Variants in TXNDC16 observed in about 807,000 individuals in gnomAD.
The protein encoded by TXNDC16 is thioredoxin domain-containing protein 16.
TXNDC16 carries 74 observed loss-of-function variants against 85.6 expected under a neutral mutation model. The observed-to-expected ratio is 0.86, with a 90% CI of 0.72 to 1.05. TXNDC16 has a LOEUF of 1.05. Among genes scored for constraint, TXNDC16 ranks in the 50% least tolerant of loss-of-function variants. The probability of loss-of-function intolerance (pLI) is 0.00; values close to 1 mark genes in which losing one functional copy is unlikely to be tolerated. For synonymous variants in TXNDC16, 335 were observed against 326.5 expected (o/e 1.03, Z -0.28); for missense variants, 959 against 947.0 (o/e 1.01, Z -0.17).
chr14:52,435,635 A>C (rs1455878096), intron 20 of TXNDC16, among the ~76,000 whole-genome samples: 1 of 152,094 alleles, frequency 6.6e-6, no homozygotes, highest in African/African-American at 2.4e-5. Flanking sequence ...ATATCATCTA[A>C]AGGAACCCAG....
intron 18 of TXNDC16, among the ~76,000 whole-genome samples, chr14:52,450,767 C>T (rs546836584): frequency 3.9e-4 from 59 of 151,780 alleles, no homozygotes; most frequent in Non-Finnish European, 7.2e-4. Flanking sequence ...GGTGCACACA[C>T]GTTTATAGTA....
intron 1 of TXNDC16, among the ~76,000 whole-genome samples, chr14:52,552,074 C>A (rs1031631275): frequency 9.9e-5 from 15 of 152,214 alleles, no homozygotes; most frequent in Admixed American, 8.5e-4. Context: ...CTCCCCGTCG[C>A]CCCTTTCCAT....
chr14:52,437,079 A>G (rs1249539730), intron 20 of TXNDC16, among the ~76,000 whole-genome samples: 2 of 152,128 alleles, frequency 1.3e-5, no homozygotes, highest in Admixed American at 1.3e-4. Context: ...CTATGTATAA[A>G]TGGTTAAGAC....
intron 18 of TXNDC16, among the ~76,000 whole-genome samples, chr14:52,450,722 G>A (rs1206223196): frequency 6.6e-6 from 1 of 151,900 alleles, no homozygotes. Context: ...AGAACTAAAA[G>A]TGTATCTACC....
intron 8 of TXNDC16, among the ~76,000 whole-genome samples, chr14:52,512,967 T>C (rs143113831): frequency 1.1e-3 from 169 of 152,228 alleles, no homozygotes; most frequent in Middle Eastern, 3.4e-3. Flanking sequence ...TCTCTCTCAC[T>C]TGCTCAAGTA....
chr14:52,492,493 ACT>A (rs1186660904), intron 9 of TXNDC16, among the ~76,000 whole-genome samples: 1 of 152,040 alleles, frequency 6.6e-6, no homozygotes, highest in Non-Finnish European at 1.5e-5. Context: ...CCCAGACAAG[ACT>A]CAACCACACT....
chr14:52,464,952 A>G (rs1452639787), intron 16 of TXNDC16, among the ~76,000 whole-genome samples: 1 of 152,194 alleles, frequency 6.6e-6, no homozygotes, highest in South Asian at 2.1e-4. Flanking sequence ...CAAAAAAAAT[A>G]AAAAATATAA....
chr14:52,541,100 G>A (rs745430370), intron 4 of TXNDC16, among the ~76,000 whole-genome samples: 13 of 152,204 alleles, frequency 8.5e-5, no homozygotes, highest in African/African-American at 1.2e-4. Flanking sequence ...GCCAGACATC[G>A]TGGCACATGC....
rs770804988 is a variant in TXNDC16, at chr14:52,519,258, T to C, written c.428A>G (p.Asn143Ser). ...LLFSEVKYIT[N>S]LEDLQNIENA... Reference sequence around the variant, plus strand: ...TTCTATGTTCTGAAGGTCTTCCAGGTTGGTAATATATTTCACTTCACTAAA... The same window carrying C: ...TTCTATGTTCTGAAGGTCTTCCAGGCTGGTAATATATTTCACTTCACTAAA... Residue 143 changes from asparagine to serine, a missense_variant, in exon 7 of 21, where the codon AAC becomes AGC. Physicochemically the swap from Asn to Ser is conservative, Grantham distance 46 (BLOSUM62 1). Coordinates refer to ENST00000281741, the MANE Select transcript of TXNDC16 (RefSeq NM_020784.3). The C allele has an allele frequency of 1.7e-5, 27 of 1,605,682 alleles. No individual in the cohort carries two copies. The highest frequency in any genetic ancestry group is 2.0e-4 in the Middle Eastern group (1 of 5,026).
intron 1 of TXNDC16, among the ~76,000 whole-genome samples, chr14:52,551,682 T>G (rs1244502152): frequency 6.6e-6 from 1 of 152,130 alleles, no homozygotes; most frequent in Non-Finnish European, 1.5e-5. Context: ...TCAACAACTA[T>G]GTGCCGGCCC....
intron 14 of TXNDC16, among the ~76,000 whole-genome samples, chr14:52,473,954 T>C (rs2035964236): frequency 6.6e-6 from 1 of 152,202 alleles, no homozygotes; most frequent in South Asian, 2.1e-4. Context: ...CACAAAACAT[T>C]GTAATTACCT....
intron 9 of TXNDC16, among the ~76,000 whole-genome samples, chr14:52,504,134 A>G (rs1189097470): frequency 2.0e-5 from 3 of 152,228 alleles, no homozygotes; most frequent in African/African-American, 7.2e-5. Context: ...GAACCAAGTT[A>G]GAAAACACTC....
intron 1 of TXNDC16, among the ~76,000 whole-genome samples, chr14:52,545,561 G>C (rs2037924264): frequency 6.6e-6 from 1 of 152,150 alleles, no homozygotes; most frequent in Admixed American, 6.5e-5. Flanking sequence ...CATAACAACT[G>C]TTGAGAGAAA....
chr14:52,480,662 T>A (rs1417085071), intron 14 of TXNDC16, among the ~76,000 whole-genome samples: 3 of 151,378 alleles, frequency 2.0e-5, no homozygotes, highest in African/African-American at 7.3e-5. Flanking sequence ...ATCAAAAAAA[T>A]AAAAAAATAA....
At chr14:52,489,890 G>C (rs949004653) in intron 11 of TXNDC16, among the ~76,000 whole-genome samples, 3 of 152,134 alleles carry the variant, frequency 2.0e-5, no homozygotes, top group Non-Finnish European at 4.4e-5. Flanking sequence ...GGGTGGACGT[G>C]CAGTGGCACA....
intron 6 of TXNDC16, among the ~76,000 whole-genome samples, chr14:52,529,038 A>G (rs2037409923): frequency 1.3e-5 from 2 of 148,862 alleles, no homozygotes; most frequent in African/African-American, 4.9e-5. Flanking sequence ...TATATTATCT[A>G]TATAATACCT....
chr14:52,469,795 T>G (rs1268817751), intron 16 of TXNDC16, among the ~76,000 whole-genome samples: 1 of 152,130 alleles, frequency 6.6e-6, no homozygotes, highest in African/African-American at 2.4e-5. Flanking sequence ...ATACACAGTT[T>G]TAGCCCAATT....
At chr14:52,468,896 C>T (rs2035837312) in intron 16 of TXNDC16, among the ~76,000 whole-genome samples, 1 of 151,336 alleles carries the variant, frequency 6.6e-6, no homozygotes, top group Non-Finnish European at 1.5e-5. Context: ...AACAAAAAAC[C>T]ATGAGTAATG....
In TXNDC16 at chr14:52,440,579, G is replaced by T. The variant is rs1339264768; in HGVS notation, c.1988C>A (p.Pro663Gln). ...VKQKYLDSFT[P>Q]CWLNLKNTPV... ...ACATACTTACAGATTTAACCAGCAT[G>T]GAGTAAATGAATCCAAGTATTTCTG... is the stretch of plus-strand genomic sequence containing the variant. Residue 663 changes from proline to glutamine, a missense_variant, in exon 19 of 21, where the codon CCA becomes CAA. Coordinates refer to ENST00000281741, the MANE Select transcript of TXNDC16 (RefSeq NM_020784.3). 6.2e-7 allele frequency: 1 copy of T among 1,600,956 alleles called. No homozygotes were observed. Among genetic ancestry groups the T allele is most frequent in the Admixed American group, 1.7e-5 (1 of 57,304 alleles).
Sources: allele counts gnomAD v4.1 joint callset (sites outside exome capture counted in the v4.1 genomes callset), GRCh38; gene constraint gnomAD v4.1.1; transcripts MANE v1.5; gene names NCBI Gene and HGNC (gene_info 2026-07-23, HGNC 2026-07-21).